GGA1: variants seen among roughly 807,000 people sequenced by gnomAD.
GGA1 encodes the protein golgi associated, gamma adaptin ear containing, ARF binding protein 1.
GGA1 carries 18 observed loss-of-function variants against 76.9 expected under a neutral mutation model. The observed-to-expected ratio is 0.23, with a 90% confidence interval of 0.16 to 0.35. The LOEUF (loss-of-function observed/expected upper bound fraction) is 0.35, where lower values mean the gene tolerates loss of function less well. Among genes scored for constraint, GGA1 ranks in the 10% least tolerant of loss-of-function variants. GGA1 has a pLI of 1.00. For synonymous variants in GGA1, 342 were observed against 354.7 expected, an observed-to-expected ratio of 0.96 and a Z score of 0.40; for missense variants, 755 against 859.0, an observed-to-expected ratio of 0.88 and a Z score of 1.51.
At position 37,618,477 on chromosome 22, in the gene GGA1, C is replaced by A; in HGVS notation, c.234C>A (p.Gly78=). The change falls in exon 4 of 17, where the codon GGC becomes GGA. Residue 78 remains glycine (G), a synonymous_variant. Coordinates refer to ENST00000343632, the MANE Select transcript of GGA1 (RefSeq NM_013365.5). ...TGGAAACATGCATGAAGAGCTGCGG[C>A]AAGCGGTTCCACGACGAAGTGGGCA... ...TVLETCMKSC[G]KRFHDEVGKF... 1 of 1,613,154 alleles carries A rather than the reference C, an allele frequency of 6.2e-7. No homozygotes were observed.
At chr22:37,619,966 G>A in intron 4 of GGA1, 1 of 639,650 alleles carries the variant, frequency 1.6e-6, no homozygotes, top group Admixed American at 2.5e-5. Flanking sequence ...CCGACTATGA[G>A]CAGGCCTGTC....
intron 11 of GGA1, 26 bp from the exon 12 acceptor site, chr22:37,629,436 T>A (rs767771144): frequency 1.3e-6 from 2 of 1,565,356 alleles, no homozygotes; most frequent in Non-Finnish European, 1.7e-6. Context: ...CCCAGCTCCT[T>A]CACCTCTCTC....
rs149825373 is a variant in GGA1, at chr22:37,625,479, A to G, written c.941-318A>G. ...GCCTTGGGGGGTCACAAAAGGGGTTAGAATTGGTTCTGTTAGGGAGAAGTG... is the reference window on the plus strand; with the variant it reads ...GCCTTGGGGGGTCACAAAAGGGGTTGGAATTGGTTCTGTTAGGGAGAAGTG... On this transcript the variant is annotated intron_variant, in intron 10 of 16. Transcript: ENST00000343632. The surrounding 1 kb of genome is among the most constrained non-coding windows in gnomAD (Gnocchi z 4.1). Among the ~76,000 whole-genome samples the G allele has an allele frequency of 2.0e-5, 3 of 152,256 alleles. No homozygotes were observed. Among genetic ancestry groups the G allele is most frequent in the African/African-American group, 4.8e-5 (2 of 41,522 alleles).
intron 2 of GGA1, among the ~76,000 whole-genome samples, chr22:37,615,612 A>T (rs1188338562): frequency 6.7e-6 from 1 of 149,984 alleles, no homozygotes; most frequent in Non-Finnish European, 1.5e-5. Flanking sequence ...AAAAATGCAA[A>T]AATTAGCAAG....
At chr22:37,631,275 C>T (rs1931761099) in intron 14 of GGA1, among the ~76,000 whole-genome samples, 176 bp downstream of exon 14, 1 of 152,164 alleles carries the variant, frequency 6.6e-6, no homozygotes, top group Admixed American at 6.5e-5. Context: ...CTTATCTGCC[C>T]CAGAGCAATC....
chr22:37,612,001 A>C (rs1335026725), intron 1 of GGA1, among the ~76,000 whole-genome samples: 1 of 151,964 alleles, frequency 6.6e-6, no homozygotes, highest in Non-Finnish European at 1.5e-5. Context: ...AAAATACAAA[A>C]AAATTAGCTG....
chr22:37,617,518 G>C lies in GGA1; in HGVS notation c.204+521G>C, dbSNP rs536119324. On this transcript the variant is annotated intron_variant, in intron 3 of 16. Transcript: ENST00000343632. ...GCAAAGCTGATTTTAAGTGGTGGTA[G>C]AGATACAGTTTCTCTTTTAATACTT... 14 of 990,394 alleles carry C rather than the reference G, an allele frequency of 1.4e-5. No individual in the cohort carries two copies. In the East Asian group the frequency reaches 1.5e-3, roughly 104 times the overall value. 61.4% of individuals were successfully genotyped at this position (990,394 alleles called of 1,614,324 possible). A position where few individuals can be genotyped will look rare whatever the true frequency, so the allele number is the denominator to read the frequency against.
intron 13 of GGA1, 184 bp downstream of exon 13, chr22:37,630,354 C>T: frequency 1.8e-6 from 1 of 563,068 alleles, no homozygotes; most frequent in Non-Finnish European, 3.1e-6. Flanking sequence ...CAGACCTGGG[C>T]CCACTGGCCT....
chr22:37,613,487 G>A (rs1327838116), intron 1 of GGA1, among the ~76,000 whole-genome samples: 24 of 152,018 alleles, frequency 1.6e-4, no homozygotes. Flanking sequence ...TCCAAGCTCC[G>A]CCTCCCGGGT....
Position 37,625,801 on chromosome 22 carries a change from C to A in GGA1, c.945C>A (p.Ser315Arg). ...GDATAGSIPG[S>R]TSALLDLSGL... ...GCCTCTTCTTTCCCACCCCAGGGAG[C>A]ACCTCGGCCCTGCTGGATCTCTCAG... The change falls in exon 11 of 17, where the codon AGC (serine) becomes AGA (arginine). Residue 315 changes from serine (S) to arginine (R), a missense_variant. Physicochemically the swap from Ser to Arg is moderately radical, Grantham distance 110 (BLOSUM62 -1). Transcript: ENST00000343632. This position sits in a 1 kb window ranked among gnomAD's most constrained non-coding sequence, Gnocchi z 4.1. 6.4e-7 allele frequency: 1 copy of A among 1,569,526 alleles called. No individual in the cohort carries two copies. Among genetic ancestry groups the A allele is most frequent in the Non-Finnish European group, 8.7e-7 (1 of 1,154,276 alleles).
Position 37,632,050 on chromosome 22 carries a change from A to G in GGA1, c.1583A>G (p.His528Arg). The change falls in exon 15 of 17, where the codon CAT (histidine) becomes CGT (arginine). Residue 528 changes from histidine (H) to arginine (R), a missense_variant. By Grantham distance (29) the His-to-Arg change is conservative. Transcript: ENST00000343632. The surrounding 1 kb of genome is among the most constrained non-coding windows in gnomAD (Gnocchi z 5.1). ...YDQHGFRILF[H>R]FARDPLPGRS... The stretch of plus-strand genomic sequence containing the variant: ...CAGCACGGCTTCCGCATCCTCTTCC[A>G]TTTTGCCCGGGACCCACTGCCAGGG... The G allele has an allele frequency of 1.2e-6, 2 of 1,613,274 alleles. No individual in the cohort carries two copies. Among genetic ancestry groups the G allele is most frequent in the Non-Finnish European group, 1.7e-6 (2 of 1,179,846 alleles).
Position 37,617,017 on chromosome 22 carries a change from C to T in GGA1, c.204+20C>T, listed in dbSNP as rs1211151386. ...TTGACGGTGAGAAGGGGAGAGGCCA[C>T]CATCCGTCCCCCGCCATGTGACGAC... On this transcript the variant is annotated intron_variant, in intron 3 of 16. Transcript: ENST00000343632. The T allele has an allele frequency of 6.3e-7, 1 of 1,585,958 alleles. No homozygotes were observed. Among genetic ancestry groups the T allele is most frequent in the Non-Finnish European group, 8.6e-7 (1 of 1,166,184 alleles).
intron 11 of GGA1, 192 bp downstream of exon 11, chr22:37,626,141 A>G: frequency 4.7e-6 from 2 of 424,836 alleles, no homozygotes; most frequent in Non-Finnish European, 8.2e-6. Context: ...GCGAGGCCAC[A>G]CGGCCAGAGG....
At chr22:37,609,186 A>G in intron 1 of GGA1, 1 of 1,397,248 alleles carries the variant, frequency 7.2e-7, no homozygotes, top group Non-Finnish European at 9.4e-7. Flanking sequence ...CGGGACGGAG[A>G]GAGCAGCCTC....
Position 37,632,871 on chromosome 22 carries a change from C to G in GGA1, c.*160C>G, listed in dbSNP as rs917074641. ...CTGTAGGCCTCAAGTGACTCTTCCC[C>G]CTCCTGCTCCGGCCCCGCCCCTGCT... On this transcript the variant is annotated 3_prime_UTR_variant, in exon 17 of 17. Coordinates refer to ENST00000343632, the MANE Select transcript of GGA1 (RefSeq NM_013365.5). This position sits in a 1 kb window ranked among gnomAD's most constrained non-coding sequence, Gnocchi z 5.1. 1.3e-5 allele frequency: 8 copies of G among 604,620 alleles called. No individual in the cohort carries two copies. Among genetic ancestry groups the G allele is most frequent in the African/African-American group, 9.2e-5 (5 of 54,176 alleles). The allele number at this position is 604,620 out of a possible 1,614,324, so 37.5% of individuals were successfully genotyped here.
intron 14 of GGA1, among the ~76,000 whole-genome samples, chr22:37,631,388 G>C (rs1282370804): frequency 6.6e-6 from 1 of 152,184 alleles, no homozygotes; most frequent in Admixed American, 6.5e-5. Flanking sequence ...CCAGGACACA[G>C]AGAGGTTTGG....
At chr22:37,611,355 C>T (rs1313332435) in intron 1 of GGA1, among the ~76,000 whole-genome samples, 4 of 151,602 alleles carry the variant, frequency 2.6e-5, no homozygotes, top group Non-Finnish European at 3.0e-5. Flanking sequence ...CAGAGCCCTC[C>T]GAAAGCCCTC....
At chr22:37,613,271 T>G in intron 1 of GGA1, 1 of 615,930 alleles carries the variant, frequency 1.6e-6, no homozygotes, top group Non-Finnish European at 2.0e-6. Context: ...CATACAGCCA[T>G]GCGTGGGTCA....
At position 37,623,072 on chromosome 22, in the gene GGA1, C is replaced by G. The variant is rs1436448776; in HGVS notation, c.610-255C>G. On this transcript the variant is annotated intron_variant, in intron 7 of 16. Transcript: ENST00000343632. The surrounding 1 kb of genome is among the most constrained non-coding windows in gnomAD (Gnocchi z 4.6). ...AGCACCTGGTGAGGGGTTTGGAAAC[C>G]CAGGTTCCTGGGCCATCTCTGAAGA... 2.0e-5 allele frequency among the ~76,000 whole-genome samples: 3 copies of G among 152,208 alleles called. No individual in the cohort carries two copies. The highest frequency in any genetic ancestry group is 7.2e-5 in the African/African-American group (3 of 41,448).
Sources: gnomAD v4.1 joint callset for allele counts (sites outside exome capture counted in the v4.1 genomes callset) on GRCh38, gnomAD v4.1.1 for gene constraint, Gnocchi (gnomAD v3.1) non-coding constraint, MANE v1.5 for transcripts, NCBI Gene and HGNC (gene_info 2026-07-23, HGNC 2026-07-21) for gene names.